RASA3: variants seen among roughly 807,000 people sequenced by gnomAD.
RASA3 encodes RAS p21 protein activator 3.
RASA3 carries 73 observed loss-of-function variants against 110.0 expected under a neutral mutation model. The observed-to-expected ratio is 0.66, with a 90% confidence interval of 0.55 to 0.81. The LOEUF (loss-of-function observed/expected upper bound fraction) is 0.81, where lower values mean the gene tolerates loss of function less well. Ranked by LOEUF, RASA3 falls within the 30% of genes least tolerant of loss-of-function variation. The pLI, the probability that RASA3 is intolerant of heterozygous loss-of-function variation, is 0.00. For missense variants in RASA3, 976 were observed against 1,113.2 expected (o/e 0.88, Z 1.75); for synonymous variants, 500 against 451.4 (o/e 1.11, Z -1.37).
intron 2 of RASA3, among the ~76,000 whole-genome samples, chr13:114,071,047 T>C (rs4883673): frequency 4.6e-5 from 7 of 151,026 alleles, no homozygotes; most frequent in East Asian, 2.0e-4. Flanking sequence ...CGCTAAACGG[T>C]GCCACAGTTT....
In RASA3 at chr13:113,996,562, C is replaced by A; in HGVS notation, c.2110G>T (p.Asp704Tyr). The A allele has an allele frequency of 6.2e-7, 1 of 1,613,014 alleles. No homozygotes were observed. The highest frequency in any genetic ancestry group is 8.5e-7 in the Non-Finnish European group (1 of 1,180,002). The change falls in exon 21 of 24, where the codon GAC becomes TAC. Residue 704 changes from aspartate to tyrosine, a missense_variant. Physicochemically the swap from Asp to Tyr is radical, Grantham distance 160 (BLOSUM62 -3). This residue lies in a region of RASA3 where 109 missense variants were observed against 162.5 expected (regional missense o/e 0.67). Coordinates refer to ENST00000334062, the MANE Select transcript of RASA3 (RefSeq NM_007368.4). ...GHWLCCRAPS[D>Y]SAPGCSPCTG... ...CAGGGCGAGCAGCCCGGAGCCGAGT[C>A]GGATGGCGCCCTACAGCACAGCCAG...
chr13:114,049,521 A>G (rs957730142), intron 3 of RASA3, among the ~76,000 whole-genome samples: 2 of 152,190 alleles, frequency 1.3e-5, no homozygotes, highest in Non-Finnish European at 2.9e-5. Flanking sequence ...ATGTGCAAAA[A>G]TTTTTTAAAT....
chr13:113,993,806 T>TTA (rs1555324858), intron 21 of RASA3, among the ~76,000 whole-genome samples: 1 of 85,592 alleles, frequency 1.2e-5, no homozygotes, highest in Non-Finnish European at 2.2e-5. Context: ...AGACTCTGCC[T>TTA]AAAAAAAAAA....
intron 1 of RASA3, among the ~76,000 whole-genome samples, chr13:114,078,557 A>G (rs2079730310): frequency 6.6e-6 from 1 of 152,250 alleles, no homozygotes; most frequent in South Asian, 2.1e-4. Flanking sequence ...TGATGAAGAC[A>G]GCCAACACAG....
chr13:114,115,778 C>T lies in RASA3; in HGVS notation c.55+16657G>A, dbSNP rs1317371377. 6.6e-6 allele frequency among the ~76,000 whole-genome samples: 1 copy of T among 152,172 alleles called. No individual in the cohort carries two copies. Among genetic ancestry groups the T allele is most frequent in the African/African-American group, 2.4e-5 (1 of 41,428 alleles). ...AAGCACAGCCTGGAATGATGAGGAG[C>T]CCCCACGCCTTCTCAGTCTCCTGTA... On this transcript the variant is annotated intron_variant, in intron 1 of 23. Coordinates refer to ENST00000334062, the MANE Select transcript of RASA3 (RefSeq NM_007368.4). This position sits in a 1 kb window ranked among gnomAD's most constrained non-coding sequence, Gnocchi z 5.0.
chr13:114,003,890 C>A (rs9562079), intron 18 of RASA3, among the ~76,000 whole-genome samples: 17 of 152,180 alleles, frequency 1.1e-4, no homozygotes, highest in Non-Finnish European at 2.2e-4. Context: ...AATATTCTGG[C>A]GTCTCTTTAT....
At chr13:113,993,022 G>A (rs1431544199) in intron 21 of RASA3, among the ~76,000 whole-genome samples, 1 of 152,154 alleles carries the variant, frequency 6.6e-6, no homozygotes, top group Non-Finnish European at 1.5e-5. Context: ...AGGAAGACTA[G>A]GTGCTAAAAT....
At chr13:114,069,027 A>AG (rs1180480028) in intron 2 of RASA3, among the ~76,000 whole-genome samples, 2 of 152,194 alleles carry the variant, frequency 1.3e-5, no homozygotes, top group Admixed American at 6.5e-5. Context: ...CACAGACTCC[A>AG]GGGCCTCGGA....
rs940061906 is a variant in RASA3 at position 114,097,078 on chromosome 13, C to G, written c.56-23241G>C. ...CACAGTTGTCACTGAGGCTGTGGCA[C>G]TTCCCCTTCCACCAGGCACAGCAGC... On this transcript the variant is annotated intron_variant, in intron 1 of 23. Transcript: ENST00000334062. Among the ~76,000 whole-genome samples, 3 of 152,328 alleles carry G rather than the reference C, an allele frequency of 2.0e-5. No individual in the cohort carries two copies. In the South Asian group the frequency reaches 6.2e-4, roughly 32 times the overall value.
At position 114,054,418 on chromosome 13, in the gene RASA3, G is replaced by A. The variant is rs560618571; in HGVS notation, c.174-2263C>T. ...AGGCATAAGCCCAAACCTGGGGCGG[G>A]CGACTGTTGCTGCCCGGAGCCCAGG... On this transcript the variant is annotated intron_variant, in intron 2 of 23. Transcript: ENST00000334062. Among the ~76,000 whole-genome samples, 467 of 148,598 alleles carry A rather than the reference G, an allele frequency of 3.1e-3. 2 individuals carry two copies. The highest frequency in any genetic ancestry group is 3.5e-3 in the Middle Eastern group (1 of 284).
intron 4 of RASA3, among the ~76,000 whole-genome samples, chr13:114,036,694 C>T (rs575968072): frequency 8.9e-4 from 135 of 152,324 alleles, no homozygotes; most frequent in Non-Finnish European, 1.6e-3. Flanking sequence ...TGCGCCACCA[C>T]GCCCGGCTAA....
chr13:114,111,577 C>T (rs111894773), intron 1 of RASA3, among the ~76,000 whole-genome samples: 3 of 111,020 alleles, frequency 2.7e-5, no homozygotes, highest in Admixed American at 9.3e-5. Flanking sequence ...AGCTGCAGGC[C>T]GAGTTCTAAC....
At chr13:114,091,477 T>C (rs970411403) in intron 1 of RASA3, among the ~76,000 whole-genome samples, 6 of 151,016 alleles carry the variant, frequency 4.0e-5, no homozygotes. Flanking sequence ...ATAATCATGG[T>C]TTTTGTTCTG....
chr13:114,059,608 G>A (rs961290446), intron 2 of RASA3, among the ~76,000 whole-genome samples: 1 of 152,248 alleles, frequency 6.6e-6, no homozygotes, highest in Admixed American at 6.5e-5. Context: ...GAGGGCGCTC[G>A]GCTGGGGAAG....
rs1488699569 is a variant in RASA3 at position 114,041,090 on chromosome 13, C to T, written c.282G>A (p.Lys94=). The change falls in exon 4 of 24, where the codon AAG becomes AAA. Residue 94 remains lysine, a synonymous_variant. Transcript: ENST00000334062. Reference sequence around the variant, plus strand: ...GCAAGTCCTCCTTCTGGATGGCCACCTTCCCTGCAACACAAGCAGAGAAGA... The same window carrying T: ...GCAAGTCCTCCTTCTGGATGGCCACTTTCCCTGCAACACAAGCAGAGAAGA... ...DVFRRDSIIG[K]VAIQKEDLQK... 6.2e-7 allele frequency: 1 copy of T among 1,613,690 alleles called. No homozygotes were observed. Among genetic ancestry groups the T allele is most frequent in the Admixed American group, 1.7e-5 (1 of 60,032 alleles).
At chr13:114,098,595 C>T (rs1215070609) in intron 1 of RASA3, among the ~76,000 whole-genome samples, 3 of 151,978 alleles carry the variant, frequency 2.0e-5, no homozygotes, top group Admixed American at 6.5e-5. Context: ...TGGCCGGCCC[C>T]CTCCCAACAA....
At chr13:114,009,548 T>A in intron 16 of RASA3, 84 bp from the exon 17 acceptor site, 1 of 911,266 alleles carries the variant, frequency 1.1e-6, no homozygotes, top group Non-Finnish European at 1.8e-6. Flanking sequence ...AGGCAAGAAC[T>A]GTCCAAGCCT....
chr13:114,038,971 A>G (rs2054336287), intron 4 of RASA3, among the ~76,000 whole-genome samples: 1 of 152,220 alleles, frequency 6.6e-6, no homozygotes, highest in Admixed American at 6.5e-5. Context: ...AAAAATAACC[A>G]TCACAGCCAC....
intron 20 of RASA3, among the ~76,000 whole-genome samples, chr13:113,998,114 G>A (rs2053297381): frequency 6.6e-6 from 1 of 152,166 alleles, no homozygotes; most frequent in Admixed American, 6.5e-5. Flanking sequence ...CTGAAACTAG[G>A]GAATTATTGG....
Sources: gnomAD v4.1 joint callset for allele counts (sites outside exome capture counted in the v4.1 genomes callset) on GRCh38, gnomAD v4.1.1 for gene constraint, gnomAD v4.1.1 regional missense constraint, Gnocchi (gnomAD v3.1) non-coding constraint, MANE v1.5 for transcripts, NCBI Gene and HGNC (gene_info 2026-07-23, HGNC 2026-07-21) for gene names.